Variants in F5 observed in about 807,000 individuals in gnomAD.
F5 encodes coagulation factor V, also known as activated protein c cofactor.
In F5, 138 loss-of-function variants were observed where a neutral mutation model predicts 216.4. The ratio of observed to expected loss-of-function variants is 0.64; its 90% CI spans 0.56 to 0.73. The LOEUF is 0.73. F5 is among the 30% of genes least tolerant of loss of function. The pLI, the probability that F5 is intolerant of heterozygous loss-of-function variation, is 0.00. For synonymous variants in F5, 916 were observed against 930.7 expected, an observed-to-expected ratio of 0.98 and a Z score of 0.29; for missense variants, 2,403 against 2,674.0, an observed-to-expected ratio of 0.90 and a Z score of 2.24.
intron 4 of F5, 130 bp from the exon 5 acceptor site, chr1:169,559,426 T>TA (rs1660409691): frequency 1.1e-6 from 1 of 918,386 alleles, no homozygotes; most frequent in Non-Finnish European, 1.7e-6. Flanking sequence ...TCTTATTTTT[T>TA]AAAATAGCAT....
chr1:169,580,283 A>G (rs548180234), intron 2 of F5, among the ~76,000 whole-genome samples: 151 of 152,138 alleles, frequency 9.9e-4, no homozygotes, highest in Non-Finnish European at 1.5e-3. Flanking sequence ...GTTATCCCCA[A>G]TAGCTGATTG....
Position 169,560,588 on chromosome 1 carries a change from C to T in F5, c.552G>A (p.Ser184=), listed in dbSNP as rs6022. The T allele has an allele frequency of 8.7e-6, 14 of 1,613,230 alleles. No individual in the cohort carries two copies. The highest frequency in any genetic ancestry group is 3.3e-4 in the Middle Eastern group (2 of 6,084). ...AGATAAGCAGGGGCCCAATCAGCCC[C>T]GAGTTGAAATCCTCGATCAGATTTT... The part of the protein sequence containing the change: ...SHENLIEDFN[S]GLIGPLLICK... Residue 184 remains serine (S), a synonymous_variant, in exon 4 of 25, where the codon TCG becomes TCA. Coordinates refer to ENST00000367797, the MANE Select transcript of F5 (RefSeq NM_000130.5).
In F5 at chr1:169,549,634, CA is replaced by C. The variant is rs55717622; in HGVS notation, c.1611+166del. Reference sequence around the variant, plus strand: ...ATGGTACTGATAAAAATAGACAAGACAAAAAAAAAAAAAGAATAAATGTTAT... The same window carrying C: ...ATGGTACTGATAAAAATAGACAAGACAAAAAAAAAAAAGAATAAATGTTAT... On this transcript the variant is annotated intron_variant, in intron 10 of 24. Coordinates refer to ENST00000367797, the MANE Select transcript of F5 (RefSeq NM_000130.5). Among the ~76,000 whole-genome samples, 99,914 of 144,880 alleles carry C rather than the reference CA, an allele frequency of 0.69. 33,811 individuals are homozygous for C. Among genetic ancestry groups the C allele is most frequent in the East Asian group, 0.86 (4,301 of 5,000 alleles).
chr1:169,524,744 A>T, intron 19 of F5, 93 bp downstream of exon 19: 2 of 1,071,396 alleles, frequency 1.9e-6, no homozygotes, highest in South Asian at 1.3e-5. Flanking sequence ...AGAAAAACTG[A>T]TTCATAGATA....
rs1659041255 is a variant in F5, at chr1:169,512,185, G to T, written c.*2128C>A. On this transcript the variant is annotated 3_prime_UTR_variant, in exon 25 of 25. Coordinates refer to ENST00000367797, the MANE Select transcript of F5 (RefSeq NM_000130.5). ...TAAAAGTCTAGGGATATGATCATTTGGTTTCTGGTTTCAGTTCTGACACTA... is the reference window on the plus strand; with the variant it reads ...TAAAAGTCTAGGGATATGATCATTTTGTTTCTGGTTTCAGTTCTGACACTA... Among the ~76,000 whole-genome samples, 2 of 151,932 alleles carry T rather than the reference G, an allele frequency of 1.3e-5. No homozygotes were observed. The highest frequency in any genetic ancestry group is 4.8e-5 in the African/African-American group (2 of 41,386).
chr1:169,515,631 GA>G lies in F5; in HGVS notation c.6346-6del. 1 of 1,611,882 alleles carries G rather than the reference GA, an allele frequency of 6.2e-7. No homozygotes were observed. Among genetic ancestry groups the G allele is most frequent in the Non-Finnish European group, 8.5e-7 (1 of 1,179,298 alleles). On this transcript the variant is annotated splice_region_variant and splice_polypyrimidine_tract_variant and intron_variant, in intron 23 of 24. Transcript: ENST00000367797. ...CCACTGCTTATTGTTGTTTGCCTAT[GA>G]AAATGACAAAAACACATAGATAAGG... is the stretch of plus-strand genomic sequence containing the variant.
intron 15 of F5, among the ~76,000 whole-genome samples, 159 bp downstream of exon 15, chr1:169,530,627 C>T (rs895159543): frequency 2.6e-5 from 4 of 152,094 alleles, no homozygotes; most frequent in Non-Finnish European, 5.9e-5. Context: ...ATGGAGAGTC[C>T]CTGGTTATGA....
At chr1:169,557,274 C>T (rs1358242903) in intron 5 of F5, among the ~76,000 whole-genome samples, 1 of 152,096 alleles carries the variant, frequency 6.6e-6, no homozygotes, top group African/African-American at 2.4e-5. Flanking sequence ...GTTTGGTCAC[C>T]CCAGTCTGAT....
At chr1:169,532,485 ACTTC>A (rs1444314056) in intron 14 of F5, among the ~76,000 whole-genome samples, 1 of 152,240 alleles carries the variant, frequency 6.6e-6, no homozygotes, top group East Asian at 1.9e-4. Context: ...CTGATAAATG[ACTTC>A]AGTAAAGTTT....
At position 169,541,547 on chromosome 1, in the gene F5, G is replaced by T; in HGVS notation, c.3543C>A (p.Val1181=). ...SQMSPSSEHE[V]WQTVISPDLS... ...GGTCTGGAGAGATGACTGTCTGCCA[G>T]ACTTCATGTTCTGAGGAAGGGGACA... The change falls in exon 13 of 25, where the codon GTC becomes GTA. Residue 1181 remains valine, a synonymous_variant. Transcript: ENST00000367797. 2 of 1,614,162 alleles carry T rather than the reference G, an allele frequency of 1.2e-6. No individual in the cohort carries two copies. The highest frequency in any genetic ancestry group is 2.2e-5 in the South Asian group (2 of 91,084).
At chr1:169,570,633 C>T (rs1660701748) in intron 3 of F5, among the ~76,000 whole-genome samples, 1 of 152,226 alleles carries the variant, frequency 6.6e-6, no homozygotes, top group South Asian at 2.1e-4. Context: ...GACCTATTAT[C>T]AGTCACTTAT....
chr1:169,559,362 T>C (rs559042601), intron 4 of F5, 66 bp from the exon 5 acceptor site: 1 of 1,540,648 alleles, frequency 6.5e-7, no homozygotes, highest in South Asian at 1.1e-5. Flanking sequence ...CTTTCCTGGA[T>C]AGCAAAGAGT....
intron 2 of F5, among the ~76,000 whole-genome samples, chr1:169,574,844 A>G (rs763976501): frequency 6.6e-6 from 1 of 152,150 alleles, no homozygotes; most frequent in Non-Finnish European, 1.5e-5. Context: ...TCCTTTATTC[A>G]TTCCTTTATT....
At position 169,552,607 on chromosome 1, in the gene F5, CT is replaced by C. The variant is rs1415677289; in HGVS notation, c.1245del (p.Asp416MetfsTer35). On this transcript the variant is annotated frameshift_variant, in exon 8 of 25. Transcript: ENST00000367797. LOFTEE classifies it high-confidence loss of function. Reference sequence around the variant, plus strand: ...CTGATAATAGGACCCAAAATCCCATCTTCTTTCATATTGGGATTCACTGTAT... The same window carrying C: ...CTGATAATAGGACCCAAAATCCCATCTCTTTCATATTGGGATTCACTGTAT... ...TKHTVNPNMK[E>X]DGILGPIIRA... is the part of the protein sequence containing the mutation. 1 of 1,613,540 alleles carries C rather than the reference CT, an allele frequency of 6.2e-7. No individual in the cohort carries two copies. The highest frequency in any genetic ancestry group is 2.2e-5 in the East Asian group (1 of 44,810).
chr1:169,518,394 G>A lies in F5; in HGVS notation c.6345+18C>T, dbSNP rs1292436670. 1 of 1,613,368 alleles carries A rather than the reference G, an allele frequency of 6.2e-7. No individual in the cohort carries two copies. The highest frequency in any genetic ancestry group is 1.7e-5 in the Admixed American group (1 of 59,978). On this transcript the variant is annotated intron_variant, in intron 23 of 24. Coordinates refer to ENST00000367797, the MANE Select transcript of F5 (RefSeq NM_000130.5). ...TTCTGGAGCCCTAAGAGAACACCAT[G>A]CATAGAGTATACTTGACCTTGGCTT...
In F5 at chr1:169,542,611, G is replaced by T; in HGVS notation, c.2479C>A (p.His827Asn). ...GGGTCTTCAGAATATGGGCTGGAAT[G>T]CTCTGCTGTGGAAGAATTGAGAACT... ...NSVLNSSTAE[H>N]SSPYSEDPIE... The change falls in exon 13 of 25, where the codon CAT becomes AAT. Residue 827 changes from histidine to asparagine, a missense_variant. Physicochemically the swap from His to Asn is moderately conservative, Grantham distance 68. This residue lies in a region of F5 where 1,425 missense variants were observed against 1,554.8 expected (regional missense o/e 0.92). Transcript: ENST00000367797. 6.2e-7 allele frequency: 1 copy of T among 1,614,106 alleles called. No individual in the cohort carries two copies. Among genetic ancestry groups the T allele is most frequent in the Non-Finnish European group, 8.5e-7 (1 of 1,179,992 alleles).
intron 9 of F5, among the ~76,000 whole-genome samples, chr1:169,550,357 A>G (rs886701233): frequency 1.4e-5 from 2 of 138,758 alleles, no homozygotes; most frequent in African/African-American, 5.4e-5. Flanking sequence ...TCATTGTTCA[A>G]TTGAATTCTT....
At position 169,528,109 on chromosome 1, in the gene F5, A is replaced by G; in HGVS notation, c.5420-15T>C. 6.2e-7 allele frequency: 1 copy of G among 1,613,534 alleles called. No homozygotes were observed. Among genetic ancestry groups the G allele is most frequent in the Non-Finnish European group, 8.5e-7 (1 of 1,179,674 alleles). ...CCCATTAATGGCTGAAAGGACAAAG[A>G]GTTGAAATCAATTAAAAATCTGTTG... On this transcript the variant is annotated splice_polypyrimidine_tract_variant and intron_variant, in intron 16 of 24. Transcript: ENST00000367797.
rs987435050 is a variant in F5 at position 169,524,724 on chromosome 1, A to G, written c.5788+113T>C. 3 of 917,050 alleles carry G rather than the reference A, an allele frequency of 3.3e-6. No homozygotes were observed. In the African/African-American group the frequency reaches 4.9e-5, roughly 15 times the overall value. The allele number at this position is 917,050 out of a possible 1,614,324, so 56.8% of individuals were successfully genotyped here. On this transcript the variant is annotated intron_variant, in intron 19 of 24. Coordinates refer to ENST00000367797, the MANE Select transcript of F5 (RefSeq NM_000130.5). ...TGCTTCACTACATTGTAGTAGAGAA[A>G]AGCATAAAGAGAAAAACTGATTCAT...
Sources: gnomAD v4.1 joint callset for allele counts (sites outside exome capture counted in the v4.1 genomes callset) on GRCh38, gnomAD v4.1.1 for gene constraint, gnomAD v4.1.1 regional missense constraint, MANE v1.5 for transcripts, NCBI Gene and HGNC (gene_info 2026-07-23, HGNC 2026-07-21) for gene names.